SPMIP11: variants seen among roughly 807,000 people sequenced by gnomAD.
The protein encoded by SPMIP11 is sperm microtubule inner protein 11.
chr12:48,732,786 A>C, the SPMIP11 span, among the ~76,000 whole-genome samples: 2 of 150,862 alleles, frequency 1.3e-5, no homozygotes, highest in Non-Finnish European at 3.0e-5. Context: ...AAAAAAAGAA[A>C]GTTGAATGTA....
the SPMIP11 span, among the ~76,000 whole-genome samples, chr12:48,770,526 GAGTC>G: frequency 1.3e-5 from 2 of 152,150 alleles, no homozygotes; most frequent in African/African-American, 4.8e-5. Flanking sequence ...ATCTCTCTGA[GAGTC>G]AGTCTCTATC....
chr12:48,751,516 G>C, the SPMIP11 span, among the ~76,000 whole-genome samples: 1 of 152,248 alleles, frequency 6.6e-6, no homozygotes, highest in East Asian at 1.9e-4. Context: ...TGAGGTGGGA[G>C]GATCACTTGA....
chr12:48,763,771 C>T, the SPMIP11 span, among the ~76,000 whole-genome samples: 8 of 149,852 alleles, frequency 5.3e-5, no homozygotes, highest in East Asian at 1.2e-3. Flanking sequence ...CTCCATCTCT[C>T]GGGTTCAAGC....
chr12:48,732,958 A>G, the SPMIP11 span, among the ~76,000 whole-genome samples: 2 of 149,500 alleles, frequency 1.3e-5, no homozygotes. Context: ...TGGGAGGCTG[A>G]GGTTGTGGTG....
At chr12:48,732,576 C>G in the SPMIP11 span, among the ~76,000 whole-genome samples, 1 of 151,684 alleles carries the variant, frequency 6.6e-6, no homozygotes, top group Admixed American at 6.6e-5. Context: ...TCGAGACCAT[C>G]CTGGCCAACA....
At chr12:48,729,515 C>T in the SPMIP11 span, among the ~76,000 whole-genome samples, 4 of 149,318 alleles carry the variant, frequency 2.7e-5, no homozygotes, top group Admixed American at 6.7e-5. Context: ...GCCTAGGTAA[C>T]AGAGTGAGAC....
At chr12:48,769,003 G>GGGGGCT in the SPMIP11 span, 1 of 1,613,984 alleles carries the variant, frequency 6.2e-7, no homozygotes, top group Non-Finnish European at 8.5e-7. Flanking sequence ...TCCCCCAGAT[G>GGGGGCT]TCATACTGTG....
the SPMIP11 span, among the ~76,000 whole-genome samples, chr12:48,752,950 G>T: frequency 6.6e-6 from 1 of 152,156 alleles, no homozygotes; most frequent in East Asian, 1.9e-4. Flanking sequence ...GGGATTACAG[G>T]CATAAGCCAC....
At chr12:48,758,182 TAAAA>T in the SPMIP11 span, among the ~76,000 whole-genome samples, 2 of 151,502 alleles carry the variant, frequency 1.3e-5, no homozygotes, top group African/African-American at 4.9e-5. Context: ...CATAAATAAA[TAAAA>T]AGAGAAAAGA....
the SPMIP11 span, among the ~76,000 whole-genome samples, chr12:48,742,228 C>T: frequency 6.6e-6 from 1 of 151,486 alleles, no homozygotes; most frequent in African/African-American, 2.4e-5. Context: ...AAGTGACCCA[C>T]CTTTTCTGAG....
At chr12:48,746,456 T>C in the SPMIP11 span, among the ~76,000 whole-genome samples, 1 of 138,032 alleles carries the variant, frequency 7.2e-6, no homozygotes, top group East Asian at 2.3e-4. Flanking sequence ...AACCTCCGCC[T>C]CCCAGGTTCA....
chr12:48,764,014 C>G, the SPMIP11 span, among the ~76,000 whole-genome samples: 4 of 147,742 alleles, frequency 2.7e-5, no homozygotes, highest in Admixed American at 2.7e-4. Context: ...TGGAGTTTCC[C>G]TCTTATTGCC....
At chr12:48,762,348 C>G in the SPMIP11 span, among the ~76,000 whole-genome samples, 4 of 140,938 alleles carry the variant, frequency 2.8e-5, no homozygotes, top group Non-Finnish European at 4.6e-5. Flanking sequence ...GTGAGCCACC[C>G]CGCCCAGCTT....
chr12:48,742,277 C>CTTTTTTTTTTTTTTTTTTTTTTTTTT, the SPMIP11 span, among the ~76,000 whole-genome samples: 1 of 87,222 alleles, frequency 1.1e-5, no homozygotes. Flanking sequence ...CTTTTCTTTT[C>CTTTTTTTTTTTTTTTTTTTTTTTTTT]CTTTTTTTTT....
the SPMIP11 span, chr12:48,759,163 A>T: frequency 2.9e-6 from 2 of 700,580 alleles, no homozygotes; most frequent in Non-Finnish European, 5.2e-6. Flanking sequence ...CAGAGAATCA[A>T]ATAGTCATTT....
chr12:48,757,848 G>T, the SPMIP11 span, among the ~76,000 whole-genome samples: 1 of 151,796 alleles, frequency 6.6e-6, no homozygotes, highest in Non-Finnish European at 1.5e-5. Context: ...ATGAAAATTA[G>T]CTGGGCATGG....
the SPMIP11 span, among the ~76,000 whole-genome samples, chr12:48,759,698 T>G: frequency 4.9e-5 from 7 of 143,218 alleles, no homozygotes; most frequent in East Asian, 4.1e-4. Context: ...GGCTGGGATG[T>G]GGTTGGGTAT....
chr12:48,735,334 A>C, the SPMIP11 span, among the ~76,000 whole-genome samples: 1 of 152,106 alleles, frequency 6.6e-6, no homozygotes, highest in African/African-American at 2.4e-5. Context: ...CAGGCCGGGC[A>C]CAGTGGCTCA....
chr12:48,768,493 G>A, the SPMIP11 span: 1 of 1,560,610 alleles, frequency 6.4e-7, no homozygotes, highest in South Asian at 1.1e-5. Context: ...AGCAGGGTCT[G>A]GAGGCTCAGT....
Sources: allele counts gnomAD v4.1 joint callset (sites outside exome capture counted in the v4.1 genomes callset), GRCh38; gene constraint gnomAD v4.1.1; transcripts MANE v1.5; gene names NCBI Gene and HGNC (gene_info 2026-07-23, HGNC 2026-07-21).